MROH9: variants seen among roughly 807,000 people sequenced by gnomAD.
MROH9 encodes maestro heat-like repeat-containing protein family member 9.
In MROH9, 92 loss-of-function variants were observed where a neutral mutation model predicts 98.2. The observed-to-expected ratio is 0.94, with a 90% CI of 0.79 to 1.11. The LOEUF is 1.11. Among genes scored for constraint, MROH9 ranks in the 50% most tolerant of loss-of-function variants. MROH9 has a pLI of 0.00. For synonymous variants in MROH9, 397 were observed against 368.9 expected, an observed-to-expected ratio of 1.08 and a Z score of -0.87; for missense variants, 1,057 against 1,014.8, an observed-to-expected ratio of 1.04 and a Z score of -0.57.
Position 170,998,284 on chromosome 1 carries a change from G to A in MROH9, c.1596+10G>A. 1.9e-6 allele frequency: 3 copies of A among 1,613,434 alleles called. No homozygotes were observed. Among genetic ancestry groups the A allele is most frequent in the Non-Finnish European group, 2.5e-6 (3 of 1,179,668 alleles). On this transcript the variant is annotated intron_variant, in intron 15 of 21. Transcript: ENST00000367759. ...AATATTCCTCACTGAAGTGAGTTTT[G>A]TAGACTGTGAACAGCTGTGTTCTCA... is the stretch of plus-strand genomic sequence containing the variant.
intron 20 of MROH9, among the ~76,000 whole-genome samples, chr1:171,034,543 TG>T (rs1490775123): frequency 6.6e-6 from 1 of 152,240 alleles, no homozygotes; most frequent in Non-Finnish European, 1.5e-5. Context: ...ATGCATTTAA[TG>T]AGCAGAGGTA....
chr1:171,064,310 T>C lies in MROH9; in HGVS notation c.2556T>C (p.Ser852=). The part of the protein sequence containing the change: ...PNGQIDSPTD[S]KDVKNDKAL ...GCCAGATAGACAGTCCTACAGACAG[T>C]AAAGATGTCAAGAATGATAAGGCCT... Residue 852 remains serine, a synonymous_variant, in exon 22 of 22, where the codon AGT becomes AGC. Transcript: ENST00000367759. 1 of 1,542,852 alleles carries C rather than the reference T, an allele frequency of 6.5e-7. No individual in the cohort carries two copies. Among genetic ancestry groups the C allele is most frequent in the Non-Finnish European group, 8.7e-7 (1 of 1,144,738 alleles).
intron 7 of MROH9, among the ~76,000 whole-genome samples, chr1:170,970,378 C>T (rs1650395298): frequency 1.4e-5 from 2 of 146,982 alleles, no homozygotes; most frequent in Admixed American, 1.3e-4. Flanking sequence ...TAAGATCTTG[C>T]CATCGAGTGG....
chr1:171,057,971 A>G lies in MROH9; in HGVS notation c.2282-4161A>G, dbSNP rs190450250. On this transcript the variant is annotated intron_variant, in intron 20 of 21. Coordinates refer to ENST00000367759, the MANE Select transcript of MROH9 (RefSeq NM_001163629.2). Reference sequence around the variant, plus strand: ...CGAAAGAAGCACTAAATATGGGGGGAAAAAAACACCAAAATATATTCTTTC... The same window carrying G: ...CGAAAGAAGCACTAAATATGGGGGGGAAAAAACACCAAAATATATTCTTTC... Among the ~76,000 whole-genome samples the G allele has an allele frequency of 6.1e-3, 719 of 117,594 alleles. 36 individuals are homozygous for G. In the East Asian group the frequency reaches 0.12, roughly 19 times the overall value. The allele number at this position is 117,594 out of a possible 152,430, so 77.1% of individuals were successfully genotyped here.
chr1:170,985,873 C>G (rs1247875732), intron 9 of MROH9, among the ~76,000 whole-genome samples: 1 of 152,014 alleles, frequency 6.6e-6, no homozygotes, highest in East Asian at 1.9e-4. Flanking sequence ...GACCAAAAAG[C>G]AATACTCCAT....
intron 15 of MROH9, among the ~76,000 whole-genome samples, chr1:171,006,216 GT>G (rs143919013): frequency 2.6e-5 from 4 of 151,786 alleles, no homozygotes; most frequent in East Asian, 1.9e-4. Flanking sequence ...TGGTTGTCAG[GT>G]TTTTTTTCTT....
chr1:170,939,229 A>T (rs1472171252), intron 1 of MROH9, among the ~76,000 whole-genome samples: 1 of 152,266 alleles, frequency 6.6e-6, no homozygotes, highest in Non-Finnish European at 1.5e-5. Context: ...ACCATCTAGA[A>T]AAATCACTGG....
chr1:171,052,384 G>A lies in MROH9; in HGVS notation c.2282-9748G>A, dbSNP rs148546668. On this transcript the variant is annotated intron_variant, in intron 20 of 21. Coordinates refer to ENST00000367759, the MANE Select transcript of MROH9 (RefSeq NM_001163629.2). ...ACCAGCTTTTATGGGAATCCAGGGGGTAAAGCACCCAGTGATGTGCCTGTG... is the reference window on the plus strand; with the variant it reads ...ACCAGCTTTTATGGGAATCCAGGGGATAAAGCACCCAGTGATGTGCCTGTG... Among the ~76,000 whole-genome samples, 1,115 of 152,248 alleles carry A rather than the reference G, an allele frequency of 7.3e-3. 5 individuals are homozygous for A. The highest frequency in any genetic ancestry group is 0.02 in the Middle Eastern group (6 of 294).
intron 7 of MROH9, among the ~76,000 whole-genome samples, chr1:170,970,731 TGAGAGA>T (rs1199063303): frequency 9.1e-4 from 83 of 90,868 alleles, no homozygotes; most frequent in Middle Eastern, 0.015. Context: ...TGTGTGTGTG[TGAGAGA>T]GAGAGAGAGA....
Position 170,965,159 on chromosome 1 carries a change from C to T in MROH9, c.384C>T (p.Leu128=), listed in dbSNP as rs532067380. The part of the protein sequence containing the change: ...LYKLQILKEM[L]VWMSKDSSYL... ...TTTTATGTTTCCAACAGGAAATGCTCGTGTGGATGAGTAAAGATAGCTCAT... is the reference window on the plus strand; with the variant it reads ...TTTTATGTTTCCAACAGGAAATGCTTGTGTGGATGAGTAAAGATAGCTCAT... The change falls in exon 7 of 22, where the codon CTC becomes CTT. Residue 128 remains leucine (L), a synonymous_variant. Transcript: ENST00000367759. The T allele has an allele frequency of 9.3e-6, 15 of 1,605,426 alleles. No homozygotes were observed. Among genetic ancestry groups the T allele is most frequent in the African/African-American group, 5.4e-5 (4 of 74,718 alleles).
At chr1:171,041,180 T>A (rs1459068457) in intron 20 of MROH9, among the ~76,000 whole-genome samples, 4 of 151,864 alleles carry the variant, frequency 2.6e-5, no homozygotes, top group African/African-American at 9.7e-5. Context: ...TTCCACTCTG[T>A]ATGTCCATGT....
rs1181343814 is a variant in MROH9 at position 170,996,509 on chromosome 1, A to G, written c.1340A>G (p.Tyr447Cys). The change falls in exon 14 of 22, where the codon TAT becomes TGT. Residue 447 changes from tyrosine to cysteine, a missense_variant and splice_region_variant. Coordinates refer to ENST00000367759, the MANE Select transcript of MROH9 (RefSeq NM_001163629.2). Reference sequence around the variant, plus strand: ...TTTGCTCTCTTTTGGGGCTTTAGGTATGCCCAGGATGCCCTGAGAGTTCTG... The same window carrying G: ...TTTGCTCTCTTTTGGGGCTTTAGGTGTGCCCAGGATGCCCTGAGAGTTCTG... Reference protein sequence around the residue: ...LKPILKDRALYAQDALRVLLN... With the variant: ...LKPILKDRALCAQDALRVLLN... The G allele has an allele frequency of 6.2e-7, 1 of 1,613,032 alleles. No individual in the cohort carries two copies. Among genetic ancestry groups the G allele is most frequent in the South Asian group, 1.1e-5 (1 of 90,932 alleles).
chr1:170,973,893 G>A (rs1459821131), intron 8 of MROH9, among the ~76,000 whole-genome samples: 1 of 152,110 alleles, frequency 6.6e-6, no homozygotes. Flanking sequence ...AGTAGAGTGT[G>A]ACATTAAAAG....
chr1:170,936,459 C>T lies in MROH9; in HGVS notation c.-38+872C>T, dbSNP rs28661728. 7.0e-3 allele frequency among the ~76,000 whole-genome samples: 1,069 copies of T among 152,252 alleles called. 7 individuals are homozygous for T. The highest frequency in any genetic ancestry group is 0.024 in the African/African-American group (991 of 41,552). ...CCTCAATGGATTGGAAGATGTTGAC[C>T]CACATTAGGGAGTGTCATCTCCTAT... On this transcript the variant is annotated intron_variant, in intron 1 of 21. Coordinates refer to ENST00000367759, the MANE Select transcript of MROH9 (RefSeq NM_001163629.2).
At chr1:170,999,882 G>T (rs1651729561) in intron 15 of MROH9, among the ~76,000 whole-genome samples, 1 of 152,084 alleles carries the variant, frequency 6.6e-6, no homozygotes, top group African/African-American at 2.4e-5. Context: ...ATTCTTGCAG[G>T]AGTAAGGTGG....
At chr1:171,008,467 T>G (rs1652036429) in intron 15 of MROH9, among the ~76,000 whole-genome samples, 1 of 152,268 alleles carries the variant, frequency 6.6e-6, no homozygotes, top group African/African-American at 2.4e-5. Context: ...TAACAATCAA[T>G]TCAGTAATTT....
intron 20 of MROH9, among the ~76,000 whole-genome samples, chr1:171,044,097 T>G (rs957824753): frequency 6.6e-6 from 1 of 152,204 alleles, no homozygotes; most frequent in African/African-American, 2.4e-5. Flanking sequence ...TGATACGAAC[T>G]GTGGGTCTGT....
intron 9 of MROH9, among the ~76,000 whole-genome samples, chr1:170,984,255 G>T (rs1651044110): frequency 6.6e-6 from 1 of 152,162 alleles, no homozygotes; most frequent in African/African-American, 2.4e-5. Context: ...GGATCTAGGG[G>T]TTCCTCTTAA....
intron 12 of MROH9, among the ~76,000 whole-genome samples, chr1:170,994,212 T>C (rs920098488): frequency 3.9e-5 from 6 of 152,192 alleles, no homozygotes; most frequent in African/African-American, 1.4e-4. Flanking sequence ...TGGTGATCCA[T>C]TGGTCTGTCT....
Sources: allele counts gnomAD v4.1 joint callset (sites outside exome capture counted in the v4.1 genomes callset), GRCh38; gene constraint gnomAD v4.1.1; transcripts MANE v1.5; gene names NCBI Gene and HGNC (gene_info 2026-07-23, HGNC 2026-07-21).